The following CPED1 variants were observed in gnomAD, a reference collection of about 807,000 sequenced individuals.
The protein encoded by CPED1 is cadherin like and PC-esterase domain containing 1.
In CPED1, 114 loss-of-function variants were observed where a neutral mutation model predicts 128.2. That is an observed-to-expected ratio of 0.89 (90% confidence interval 0.76 to 1.04). The LOEUF is 1.04. Ranked by LOEUF, CPED1 falls within the 50% of genes least tolerant of loss-of-function variation. The pLI is 0.00. For synonymous variants in CPED1, 462 were observed against 426.7 expected (o/e 1.08, Z -1.02); for missense variants, 1,211 against 1,207.1 (o/e 1.00, Z -0.05).
chr7:120,990,007 T>C, intron 2 of CPED1, 137 bp downstream of exon 2: 1 of 1,001,814 alleles, frequency 1.0e-6, no homozygotes, highest in South Asian at 1.6e-5. Flanking sequence ...GAGAGTGACC[T>C]GATGACTGGG....
At chr7:121,126,128 T>C (rs1397093522) in intron 9 of CPED1, among the ~76,000 whole-genome samples, 1 of 152,196 alleles carries the variant, frequency 6.6e-6, no homozygotes, top group Non-Finnish European at 1.5e-5. Context: ...ATGGTTCAAG[T>C]ACTATTTGTG....
chr7:121,189,263 C>T (rs1797072799), intron 16 of CPED1, among the ~76,000 whole-genome samples: 1 of 152,136 alleles, frequency 6.6e-6, no homozygotes, highest in African/African-American at 2.4e-5. Flanking sequence ...CTATAAAGAA[C>T]TACCTGAAAC....
At chr7:121,048,592 T>C (rs1406481512) in intron 4 of CPED1, among the ~76,000 whole-genome samples, 1 of 152,134 alleles carries the variant, frequency 6.6e-6, no homozygotes, top group Non-Finnish European at 1.5e-5. Flanking sequence ...CAGGCTGGGG[T>C]GCAATGGCGT....
intron 16 of CPED1, among the ~76,000 whole-genome samples, chr7:121,186,854 C>T (rs1023179358): frequency 6.6e-6 from 1 of 152,110 alleles, no homozygotes; most frequent in African/African-American, 2.4e-5. Context: ...GGTCAAAATC[C>T]AGGATATTTG....
intron 3 of CPED1, among the ~76,000 whole-genome samples, chr7:121,031,808 A>C (rs1173613557): frequency 5.9e-5 from 9 of 152,240 alleles, no homozygotes; most frequent in Non-Finnish European, 1.3e-4. Flanking sequence ...ATTTAAAATA[A>C]TTTTATTTGT....
rs60525869 is a variant in CPED1, at chr7:121,213,759, T to C, written c.2056-22955T>C. 4.8e-3 allele frequency among the ~76,000 whole-genome samples: 727 copies of C among 152,190 alleles called. 3 individuals are homozygous for C. The highest frequency in any genetic ancestry group is 0.017 in the African/African-American group (692 of 41,550). ...TGTGCTAATCTTTTAATTTTTAATATTAATTTAGAGTTACAGAAACTTTTC... is the reference window on the plus strand; with the variant it reads ...TGTGCTAATCTTTTAATTTTTAATACTAATTTAGAGTTACAGAAACTTTTC... On this transcript the variant is annotated intron_variant, in intron 16 of 22. Coordinates refer to ENST00000310396, the MANE Select transcript of CPED1 (RefSeq NM_024913.5).
At chr7:121,094,833 G>A (rs1794661118) in intron 5 of CPED1, among the ~76,000 whole-genome samples, 1 of 152,124 alleles carries the variant, frequency 6.6e-6, no homozygotes, top group African/African-American at 2.4e-5. Flanking sequence ...CAGGCTTCAT[G>A]CATCCCTAAC....
intron 16 of CPED1, among the ~76,000 whole-genome samples, chr7:121,218,322 A>G (rs538676467): frequency 2.2e-4 from 34 of 152,038 alleles, no homozygotes; most frequent in African/African-American, 7.2e-4. Flanking sequence ...GTAGACAGGA[A>G]ATGTCCACAT....
intron 16 of CPED1, among the ~76,000 whole-genome samples, chr7:121,208,212 T>G (rs1797564032): frequency 1.3e-5 from 2 of 152,024 alleles, no homozygotes; most frequent in Admixed American, 6.6e-5. Flanking sequence ...TAATTTTATT[T>G]TATATATTAC....
Position 121,297,079 on chromosome 7 carries a change from T to C in CPED1, c.*1427T>C, listed in dbSNP as rs1792837368. ...AATTATATTTACATAAATGCAAATA[T>C]CACTTGATATAAACAATACAAATCT... On this transcript the variant is annotated 3_prime_UTR_variant, in exon 23 of 23. Coordinates refer to ENST00000310396, the MANE Select transcript of CPED1 (RefSeq NM_024913.5). 6.6e-6 allele frequency: 1 copy of C among 152,072 alleles called. No individual in the cohort carries two copies. The highest frequency in any genetic ancestry group is 2.1e-4 in the South Asian group (1 of 4,830). The allele number at this position is 152,072 out of a possible 1,614,324, so 9.4% of individuals were successfully genotyped here.
chr7:121,295,409 G>A (rs749304405), intron 22 of CPED1, 31 bp from the exon 23 acceptor site: 72 of 1,585,394 alleles, frequency 4.5e-5, no homozygotes, highest in Admixed American at 2.3e-4. Flanking sequence ...TCTTGATTTT[G>A]CCTCACAGTT....
chr7:121,217,054 T>C (rs1313131548), intron 16 of CPED1, among the ~76,000 whole-genome samples: 1 of 149,778 alleles, frequency 6.7e-6, no homozygotes, highest in Non-Finnish European at 1.5e-5. Context: ...GTTTTGGTGG[T>C]TTTTATTTTT....
chr7:121,240,937 C>T (rs1223149151), intron 17 of CPED1, among the ~76,000 whole-genome samples: 1 of 152,044 alleles, frequency 6.6e-6, no homozygotes, highest in Non-Finnish European at 1.5e-5. Context: ...AAAGATTAAA[C>T]TTTAGGCTGT....
chr7:121,215,900 A>T (rs1797747949), intron 16 of CPED1, among the ~76,000 whole-genome samples: 1 of 152,016 alleles, frequency 6.6e-6, no homozygotes, highest in Admixed American at 6.6e-5. Flanking sequence ...CTTCAAAAAT[A>T]ATAATGACAG....
At chr7:121,098,185 T>A (rs1794747096) in intron 6 of CPED1, among the ~76,000 whole-genome samples, 1 of 152,146 alleles carries the variant, frequency 6.6e-6, no homozygotes, top group Admixed American at 6.5e-5. Flanking sequence ...GATGCATTTT[T>A]TTTCTGCTAT....
chr7:121,098,777 TA>T (rs1192995938), intron 6 of CPED1, among the ~76,000 whole-genome samples: 23 of 107,994 alleles, frequency 2.1e-4, no homozygotes, highest in Non-Finnish European at 3.3e-4. Flanking sequence ...AATATATATA[TA>T]TAAAAATATA....
chr7:121,075,872 A>G (rs559526780), intron 5 of CPED1, among the ~76,000 whole-genome samples: 15 of 152,296 alleles, frequency 9.8e-5, no homozygotes, highest in South Asian at 6.2e-4. Context: ...CTTTTTAAAA[A>G]ATCGTTGCAA....
At chr7:120,991,246 A>T (rs1277654697) in intron 2 of CPED1, among the ~76,000 whole-genome samples, 1 of 152,260 alleles carries the variant, frequency 6.6e-6, no homozygotes, top group Non-Finnish European at 1.5e-5. Context: ...CTATCTTATG[A>T]CAAAGAATAG....
intron 16 of CPED1, among the ~76,000 whole-genome samples, chr7:121,201,563 T>C (rs1797400412): frequency 6.6e-6 from 1 of 150,950 alleles, no homozygotes; most frequent in African/African-American, 2.4e-5. Flanking sequence ...AAGGAGAAAA[T>C]TTAGAGAGGA....
Sources: gnomAD v4.1 joint callset for allele counts (sites outside exome capture counted in the v4.1 genomes callset) on GRCh38, gnomAD v4.1.1 for gene constraint, MANE v1.5 for transcripts, NCBI Gene and HGNC (gene_info 2026-07-23, HGNC 2026-07-21) for gene names.